VPS13B: variants seen among roughly 807,000 people sequenced by gnomAD.
VPS13B encodes the protein intermembrane lipid transfer protein VPS13B.
In VPS13B, 285 loss-of-function variants were observed where a neutral mutation model predicts 426.4. The ratio of observed to expected loss-of-function variants is 0.67; its 90% CI spans 0.61 to 0.74. VPS13B has a LOEUF of 0.74. Ranked by LOEUF, VPS13B falls within the 30% of genes least tolerant of loss-of-function variation. The pLI is 0.00. For synonymous variants in VPS13B, 1,676 were observed against 1,676.4 expected, an observed-to-expected ratio of 1.00 and a Z score of 0.01; for missense variants, 4,537 against 4,782.6, an observed-to-expected ratio of 0.95 and a Z score of 1.51.
intron 39 of VPS13B, among the ~76,000 whole-genome samples, chr8:99,764,507 G>C (rs750847586): frequency 6.8e-6 from 1 of 147,666 alleles, no homozygotes; most frequent in Non-Finnish European, 1.5e-5. Flanking sequence ...TCCACCTCCT[G>C]GGTTTAAGCA....
At chr8:99,785,370 C>G (rs1431407452) in intron 43 of VPS13B, among the ~76,000 whole-genome samples, 1 of 152,084 alleles carries the variant, frequency 6.6e-6, no homozygotes, top group Non-Finnish European at 1.5e-5. Flanking sequence ...CCCTTGGGCT[C>G]CATCTGAGGG....
intron 19 of VPS13B, among the ~76,000 whole-genome samples, chr8:99,365,674 G>T (rs1277721964): frequency 6.6e-6 from 1 of 151,570 alleles, no homozygotes; most frequent in Middle Eastern, 3.2e-3. Context: ...ACACCACCAC[G>T]CATGGCTAAT....
At chr8:99,217,066 T>A (rs1000296897) in intron 17 of VPS13B, among the ~76,000 whole-genome samples, 5 of 152,214 alleles carry the variant, frequency 3.3e-5, no homozygotes, top group African/African-American at 1.2e-4. Flanking sequence ...TTCTGTTTAC[T>A]CTTTTCATTA....
At chr8:99,662,539 T>G (rs1830277059) in intron 35 of VPS13B, among the ~76,000 whole-genome samples, 1 of 152,114 alleles carries the variant, frequency 6.6e-6, no homozygotes, top group Admixed American at 6.5e-5. Context: ...CTCAATCTCC[T>G]GGGCTCCAGC....
At chr8:99,146,753 T>C (rs1810749212) in intron 13 of VPS13B, among the ~76,000 whole-genome samples, 1 of 152,098 alleles carries the variant, frequency 6.6e-6, no homozygotes, top group African/African-American at 2.4e-5. Flanking sequence ...TTGTTTTTTT[T>C]GTAGAGATGA....
rs547819865 is a variant in VPS13B, at chr8:99,085,152, A to G, written c.292-11160A>G. On this transcript the variant is annotated intron_variant, in intron 3 of 61. Coordinates refer to ENST00000357162, the MANE Select transcript of VPS13B (RefSeq NM_152564.5). ...CTGGGTGCTCCTTTATTGGGTGCAT[A>G]TATATTTAGGATAGTTAGCTCTTGT... Among the ~76,000 whole-genome samples, 10 of 152,248 alleles carry G rather than the reference A, an allele frequency of 6.6e-5. No individual in the cohort carries two copies. The East Asian group carries it at 1.7e-3, about 26-fold the overall frequency.
intron 37 of VPS13B, among the ~76,000 whole-genome samples, chr8:99,719,015 A>C (rs1348354098): frequency 3.3e-5 from 5 of 152,304 alleles, no homozygotes; most frequent in African/African-American, 1.2e-4. Context: ...TTTAATGCAC[A>C]GAGCAAGATT....
intron 3 of VPS13B, among the ~76,000 whole-genome samples, chr8:99,092,570 T>C (rs894870288): frequency 4.6e-5 from 7 of 152,056 alleles, no homozygotes; most frequent in African/African-American, 1.7e-4. Context: ...TAATTATTCT[T>C]ATTTTGCTTT....
rs761563766 is a variant in VPS13B, at chr8:99,784,447, T to C, written c.7912T>C (p.Tyr2638His). 68 of 1,613,716 alleles carry C rather than the reference T, an allele frequency of 4.2e-5. No homozygotes were observed. Among genetic ancestry groups the C allele is most frequent in the Non-Finnish European group, 5.5e-5 (65 of 1,179,684 alleles). Residue 2638 changes from tyrosine to histidine, a missense_variant, in exon 43 of 62, where the codon TAC becomes CAC. This residue lies in a region of VPS13B where 4,311 missense variants were observed against 4,474.3 expected (regional missense o/e 0.96). Coordinates refer to ENST00000357162, the MANE Select transcript of VPS13B (RefSeq NM_152564.5). ...GCTGGCGAGTCTCCACAGTCACCAGTACAGCTGGCGCTCTCACAAATCCCC... is the reference window on the plus strand; with the variant it reads ...GCTGGCGAGTCTCCACAGTCACCAGCACAGCTGGCGCTCTCACAAATCCCC... ...ILLASLHSHQ[Y>H]SWRSHKSPQL...
chr8:99,349,972 A>G (rs1811787380), intron 19 of VPS13B, among the ~76,000 whole-genome samples: 1 of 152,200 alleles, frequency 6.6e-6, no homozygotes, highest in South Asian at 2.1e-4. Flanking sequence ...AATCACACAT[A>G]TAAAATTGCG....
intron 30 of VPS13B, among the ~76,000 whole-genome samples, chr8:99,531,444 A>T (rs1248544746): frequency 6.6e-6 from 1 of 152,176 alleles, no homozygotes; most frequent in Non-Finnish European, 1.5e-5. Flanking sequence ...AGTCATTATA[A>T]AACAGAAGTG....
At chr8:99,675,655 C>T (rs1374637078) in intron 35 of VPS13B, among the ~76,000 whole-genome samples, 1 of 151,902 alleles carries the variant, frequency 6.6e-6, no homozygotes, top group Non-Finnish European at 1.5e-5. Flanking sequence ...GTATTTTTTG[C>T]CTGTATATTT....
chr8:99,143,942 A>G (rs1018973165), intron 13 of VPS13B, among the ~76,000 whole-genome samples: 1 of 152,136 alleles, frequency 6.6e-6, no homozygotes, highest in Non-Finnish European at 1.5e-5. Flanking sequence ...GTCTACTGGG[A>G]TGGGAGCAGA....
At chr8:99,755,806 C>T (rs1381382068) in intron 39 of VPS13B, among the ~76,000 whole-genome samples, 1 of 151,776 alleles carries the variant, frequency 6.6e-6, no homozygotes, top group Non-Finnish European at 1.5e-5. Context: ...AATAAGCAAA[C>T]CCTGGGGAAG....
At chr8:99,751,511 C>T (rs921289468) in intron 39 of VPS13B, among the ~76,000 whole-genome samples, 14 of 152,102 alleles carry the variant, frequency 9.2e-5, no homozygotes, top group African/African-American at 1.2e-4. Flanking sequence ...CTATTTATTA[C>T]GTTTGTAAGT....
chr8:99,337,570 T>C (rs1413531099), intron 19 of VPS13B, among the ~76,000 whole-genome samples: 1 of 152,080 alleles, frequency 6.6e-6, no homozygotes, highest in East Asian at 1.9e-4. Context: ...GCCCATTTTA[T>C]GTTAATGGTT....
At chr8:99,521,612 T>G (rs1822382550) in intron 30 of VPS13B, among the ~76,000 whole-genome samples, 1 of 152,232 alleles carries the variant, frequency 6.6e-6, no homozygotes, top group Non-Finnish European at 1.5e-5. Context: ...TGATTCATAC[T>G]GAAGTTGGCA....
intron 3 of VPS13B, among the ~76,000 whole-genome samples, chr8:99,063,785 C>G (rs971200648): frequency 6.6e-6 from 1 of 152,194 alleles, no homozygotes; most frequent in South Asian, 2.1e-4. Flanking sequence ...GTCCCTGACC[C>G]CTGTGTAGCC....
At chr8:99,045,543 G>C (rs1843194413) in intron 3 of VPS13B, among the ~76,000 whole-genome samples, 1 of 152,090 alleles carries the variant, frequency 6.6e-6, no homozygotes, top group Non-Finnish European at 1.5e-5. Context: ...CCGTGCAAAA[G>C]CTCTTTAGTT....
Sources: allele counts gnomAD v4.1 joint callset (sites outside exome capture counted in the v4.1 genomes callset), GRCh38; gene constraint gnomAD v4.1.1; regional missense constraint gnomAD v4.1.1; transcripts MANE v1.5; gene names NCBI Gene and HGNC (gene_info 2026-07-23, HGNC 2026-07-21).